The following PDSS2 variants were observed in gnomAD, a reference collection of about 807,000 sequenced individuals.
PDSS2 encodes the protein decaprenyl diphosphate synthase subunit 2.
PDSS2 carries 31 observed loss-of-function variants against 44.5 expected under a neutral mutation model. The ratio of observed to expected loss-of-function variants is 0.70; its 90% confidence interval spans 0.52 to 0.94. PDSS2 has a LOEUF of 0.94. Ranked by LOEUF, PDSS2 falls within the 40% of genes least tolerant of loss-of-function variation. PDSS2 has a pLI of 0.00. For missense variants in PDSS2, 452 were observed against 482.2 expected (o/e 0.94, Z 0.59); for synonymous variants, 157 against 180.3 (o/e 0.87, Z 1.03).
chr6:107,256,371 G>C (rs1768152387), intron 3 of PDSS2, among the ~76,000 whole-genome samples: 1 of 152,158 alleles, frequency 6.6e-6, no homozygotes, highest in African/African-American at 2.4e-5. Context: ...AAAAATTTCA[G>C]TAATTTCCTA....
At chr6:107,167,814 C>T (rs1771409874) in intron 7 of PDSS2, among the ~76,000 whole-genome samples, 1 of 152,172 alleles carries the variant, frequency 6.6e-6, no homozygotes, top group South Asian at 2.1e-4. Context: ...ATCCTGAGCT[C>T]TAGTTTGATT....
intron 3 of PDSS2, among the ~76,000 whole-genome samples, chr6:107,252,673 A>C (rs1774863178): frequency 6.6e-6 from 1 of 152,238 alleles, no homozygotes; most frequent in Admixed American, 6.5e-5. Context: ...TTACGCCTGT[A>C]ATCTCAGCAC....
intron 7 of PDSS2, among the ~76,000 whole-genome samples, chr6:107,161,527 A>G (rs1378755182): frequency 1.3e-5 from 2 of 152,008 alleles, no homozygotes; most frequent in Admixed American, 1.3e-4. Flanking sequence ...AAAGTGTTCA[A>G]TTTGTATTAT....
intron 1 of PDSS2, among the ~76,000 whole-genome samples, chr6:107,381,752 A>G (rs991948968): frequency 2.6e-5 from 4 of 152,176 alleles, no homozygotes; most frequent in African/African-American, 9.7e-5. Flanking sequence ...ACTTATAAAT[A>G]TTTCACTATA....
chr6:107,241,136 C>T (rs958017126), intron 4 of PDSS2, among the ~76,000 whole-genome samples: 2 of 150,300 alleles, frequency 1.3e-5, no homozygotes, highest in East Asian at 2.0e-4. Flanking sequence ...GTAGTCCCAA[C>T]TACTTGCAAG....
chr6:107,300,684 C>T (rs1004364998), intron 2 of PDSS2, among the ~76,000 whole-genome samples: 1 of 152,216 alleles, frequency 6.6e-6, no homozygotes, highest in Admixed American at 6.5e-5. Context: ...GGGTAACCCC[C>T]TTTGGGTCAC....
chr6:107,162,612 T>TTTTTTTTCTTTTTTC (rs1771185819), intron 7 of PDSS2, among the ~76,000 whole-genome samples: 1 of 137,342 alleles, frequency 7.3e-6, no homozygotes, highest in African/African-American at 2.7e-5. Context: ...ATTCCCTAAT[T>TTTTTTTTCTTTTTTC]TTTTTTTTTT....
intron 1 of PDSS2, among the ~76,000 whole-genome samples, chr6:107,435,436 G>A (rs936519109): frequency 6.6e-6 from 1 of 151,920 alleles, no homozygotes; most frequent in Non-Finnish European, 1.5e-5. Flanking sequence ...AGAATAAAAA[G>A]TATGTGAGAA....
At chr6:107,450,602 T>C (rs1231108500) in intron 1 of PDSS2, among the ~76,000 whole-genome samples, 1 of 152,126 alleles carries the variant, frequency 6.6e-6, no homozygotes. Context: ...ATCCAAGCTG[T>C]GGAATGAAAA....
chr6:107,179,472 G>A (rs912254456), intron 7 of PDSS2, among the ~76,000 whole-genome samples: 1 of 151,898 alleles, frequency 6.6e-6, no homozygotes, highest in African/African-American at 2.4e-5. Context: ...GTAGAGACGG[G>A]GTTTCACCAT....
chr6:107,429,497 C>G (rs1046998351), intron 1 of PDSS2, among the ~76,000 whole-genome samples: 1 of 152,170 alleles, frequency 6.6e-6, no homozygotes, highest in Admixed American at 6.5e-5. Context: ...TATCTAAACA[C>G]TCTTTGGCCT....
At chr6:107,192,292 G>A (rs1772407401) in intron 7 of PDSS2, 2 of 441,086 alleles carry the variant, frequency 4.5e-6, no homozygotes, top group South Asian at 3.5e-5. Flanking sequence ...GATAAAAGGA[G>A]AGACGGTCCC....
At chr6:107,319,027 TACACACACACACAC>T (rs947650535) in intron 2 of PDSS2, among the ~76,000 whole-genome samples, 1 of 82,492 alleles carries the variant, frequency 1.2e-5, no homozygotes, top group African/African-American at 3.5e-5. Context: ...CACACACACA[TACACACACACACAC>T]ACTACACACA....
intron 2 of PDSS2, among the ~76,000 whole-genome samples, chr6:107,321,827 T>G (rs552100334): frequency 6.6e-6 from 1 of 152,314 alleles, no homozygotes; most frequent in South Asian, 2.1e-4. Context: ...CAACTGAACA[T>G]AACCAATCAG....
At position 107,343,619 on chromosome 6, in the gene PDSS2, A is replaced by T. The variant is rs182762822; in HGVS notation, c.297-9287T>A. 9.8e-5 allele frequency among the ~76,000 whole-genome samples: 15 copies of T among 152,368 alleles called. No homozygotes were observed. The East Asian group carries it at 2.7e-3, about 27-fold the overall frequency. The stretch of plus-strand genomic sequence containing the variant: ...CGTTTACTTAATGACATGGGAAAAT[A>T]CTAAAAATGTTAAATAAAAGAATAC... On this transcript the variant is annotated intron_variant, in intron 1 of 7. Coordinates refer to ENST00000369037, the MANE Select transcript of PDSS2 (RefSeq NM_020381.4).
At chr6:107,247,260 G>C (rs1489424463) in intron 3 of PDSS2, among the ~76,000 whole-genome samples, 3 of 152,228 alleles carry the variant, frequency 2.0e-5, no homozygotes, top group Admixed American at 2.0e-4. Context: ...GTAACGTGAA[G>C]AGGGATTTAC....
chr6:107,398,093 C>T (rs1247802675), intron 1 of PDSS2, among the ~76,000 whole-genome samples: 2 of 152,168 alleles, frequency 1.3e-5, no homozygotes, highest in Non-Finnish European at 2.9e-5. Context: ...AAACTACCAC[C>T]TGTCAAATTT....
chr6:107,367,620 C>T (rs1778998061), intron 1 of PDSS2, among the ~76,000 whole-genome samples: 1 of 151,932 alleles, frequency 6.6e-6, no homozygotes, highest in East Asian at 1.9e-4. Flanking sequence ...CCCTTCTCTA[C>T]TAAAAATACA....
At chr6:107,251,557 T>C (rs1411584057) in intron 3 of PDSS2, among the ~76,000 whole-genome samples, 1 of 152,220 alleles carries the variant, frequency 6.6e-6, no homozygotes, top group Non-Finnish European at 1.5e-5. Flanking sequence ...TTTACTGCGC[T>C]CTTTCCTCCA....
Sources: gnomAD v4.1 joint callset for allele counts (sites outside exome capture counted in the v4.1 genomes callset) on GRCh38, gnomAD v4.1.1 for gene constraint, MANE v1.5 for transcripts, NCBI Gene and HGNC (gene_info 2026-07-23, HGNC 2026-07-21) for gene names.